Variants in ATP10B observed in about 807,000 individuals in gnomAD.
ATP10B encodes phospholipid-transporting ATPase VB.
A neutral mutation model predicts 141.2 loss-of-function variants in ATP10B; 122 were observed. The observed-to-expected ratio is 0.86, with a 90% confidence interval of 0.75 to 1.00. The LOEUF is 1.00. ATP10B is among the 50% of genes least tolerant of loss of function. The pLI is 0.00. For synonymous variants in ATP10B, 685 were observed against 692.0 expected (o/e 0.99, Z 0.16); for missense variants, 1,876 against 1,825.3 (o/e 1.03, Z -0.51).
At chr5:160,844,271 A>G (rs1377292845) in intron 1 of ATP10B, among the ~76,000 whole-genome samples, 3 of 152,202 alleles carry the variant, frequency 2.0e-5, no homozygotes, top group Non-Finnish European at 2.9e-5. Context: ...AACATTCTTC[A>G]TAATTGCCCC....
chr5:160,819,899 A>G (rs34535518), intron 1 of ATP10B, among the ~76,000 whole-genome samples: 50,643 of 151,922 alleles, frequency 0.33, 9,629 homozygotes, highest in East Asian at 0.45. Context: ...TTTTATGGCT[A>G]TAAGTTCCTA....
chr5:160,650,311 A>G (rs1169778278), intron 7 of ATP10B, among the ~76,000 whole-genome samples: 1 of 152,086 alleles, frequency 6.6e-6, no homozygotes, highest in East Asian at 1.9e-4. Flanking sequence ...TTCAGTGTTC[A>G]TTACAACTGT....
chr5:160,903,842 C>T, the ATP10B span, among the ~76,000 whole-genome samples: 1 of 152,204 alleles, frequency 6.6e-6, no homozygotes, highest in Non-Finnish European at 1.5e-5. Context: ...GCTCTATTTG[C>T]ACCCGAGGTC....
intron 3 of ATP10B, among the ~76,000 whole-genome samples, chr5:160,696,401 G>C (rs1019234008): frequency 3.3e-5 from 5 of 152,098 alleles, no homozygotes; most frequent in Non-Finnish European, 5.9e-5. Flanking sequence ...GAGCCACCAT[G>C]CCTGGCCAAA....
chr5:160,565,909 A>T lies in ATP10B; in HGVS notation c.3939-9T>A, dbSNP rs1478849654. 3 of 1,596,370 alleles carry T rather than the reference A, an allele frequency of 1.9e-6. No individual in the cohort carries two copies. Among genetic ancestry groups the T allele is most frequent in the African/African-American group, 1.4e-5 (1 of 73,736 alleles). ...GAGACAGGAAAAAGTATCTGGTGGG[A>T]AACAACAGAATAAAGATATTTCTGA... On this transcript the variant is annotated splice_polypyrimidine_tract_variant and intron_variant, in intron 25 of 25. Transcript: ENST00000327245.
At position 160,688,088 on chromosome 5, in the gene ATP10B, C is replaced by G. The variant is rs373289457; in HGVS notation, c.-14G>C. ...TGAGAGGGCCATTTCCAGCAGCAGG[C>G]GAAGATCTGAAAACAGACACAGGAG... is the stretch of plus-strand genomic sequence containing the variant. On this transcript the variant is annotated 5_prime_UTR_variant, in exon 5 of 26. Transcript: ENST00000327245. 6.2e-7 allele frequency: 1 copy of G among 1,607,500 alleles called. No individual in the cohort carries two copies. Among genetic ancestry groups the G allele is most frequent in the Non-Finnish European group, 8.5e-7 (1 of 1,176,918 alleles).
At chr5:160,646,915 T>C (rs1760318330) in intron 8 of ATP10B, among the ~76,000 whole-genome samples, 1 of 152,230 alleles carries the variant, frequency 6.6e-6, no homozygotes, top group Non-Finnish European at 1.5e-5. Context: ...CACAATTCTC[T>C]GCTGGGGTGG....
intron 24 of ATP10B, among the ~76,000 whole-genome samples, chr5:160,580,435 T>C (rs1249382644): frequency 2.0e-5 from 3 of 148,326 alleles, no homozygotes; most frequent in African/African-American, 4.9e-5. Flanking sequence ...GTGTTTGTCA[T>C]TGGTTCTGTT....
At chr5:160,923,623 T>C in the ATP10B span, among the ~76,000 whole-genome samples, 1 of 152,206 alleles carries the variant, frequency 6.6e-6, no homozygotes, top group East Asian at 1.9e-4. Flanking sequence ...TTTAACTAGA[T>C]TTTTCTGACT....
rs974463138 is a variant in ATP10B at position 160,755,537 on chromosome 5, C to A, written c.-331+30022G>T. On this transcript the variant is annotated intron_variant, in intron 2 of 25. Coordinates refer to ENST00000327245, the MANE Select transcript of ATP10B (RefSeq NM_025153.3). ...AACATGTAAAATATATATTATAGTC[C>A]GGGCGCGGTGGCTCACGCCTGTAAT... is the stretch of plus-strand genomic sequence containing the variant. 3.3e-5 allele frequency among the ~76,000 whole-genome samples: 5 copies of A among 150,628 alleles called. No individual in the cohort carries two copies. The East Asian group carries it at 9.7e-4, about 29-fold the overall frequency.
At chr5:160,731,154 T>C (rs1561796699) in intron 2 of ATP10B, among the ~76,000 whole-genome samples, 1 of 152,230 alleles carries the variant, frequency 6.6e-6, no homozygotes, top group Non-Finnish European at 1.5e-5. Context: ...TGATTTTCAG[T>C]CTATTTTAAA....
intron 11 of ATP10B, 115 bp from the exon 12 acceptor site, chr5:160,634,721 G>T: frequency 1.8e-6 from 2 of 1,121,374 alleles, no homozygotes; most frequent in Non-Finnish European, 2.5e-6. Flanking sequence ...TCACAGGACA[G>T]ACTCTCTGTG....
At chr5:160,803,714 G>T (rs994265011) in intron 1 of ATP10B, among the ~76,000 whole-genome samples, 4 of 152,060 alleles carry the variant, frequency 2.6e-5, no homozygotes, top group African/African-American at 9.7e-5. Flanking sequence ...ACTTGTTCAA[G>T]GTCACATAGC....
chr5:160,928,318 G>A, the ATP10B span, among the ~76,000 whole-genome samples: 27 of 152,266 alleles, frequency 1.8e-4, no homozygotes, highest in East Asian at 5.8e-4. Context: ...CCACAAGAGC[G>A]GGCCATTGAG....
chr5:160,890,408 A>G, the ATP10B span, among the ~76,000 whole-genome samples: 1 of 152,118 alleles, frequency 6.6e-6, no homozygotes, highest in East Asian at 1.9e-4. Flanking sequence ...TTTTTATCCC[A>G]AAGAAAGAAA....
In ATP10B at chr5:160,670,633, C is replaced by G. The variant is rs964794391; in HGVS notation, c.505G>C (p.Asp169His). Residue 169 changes from aspartate (D) to histidine (H), a missense_variant, in exon 7 of 26, where the codon GAT becomes CAT. Physicochemically the swap from Asp to His is moderately conservative, Grantham distance 81 (BLOSUM62 -1). Transcript: ENST00000327245. ...TGGATGAAGTCTCCCACGCGCACAT[C>G]CTTCCAGCACTTCTGCACATAGGTC... is the stretch of plus-strand genomic sequence containing the variant. ...EQTYVQKCWK[D>H]VRVGDFIQMK... 1 of 1,613,616 alleles carries G rather than the reference C, an allele frequency of 6.2e-7. No homozygotes were observed. Among genetic ancestry groups the G allele is most frequent in the East Asian group, 2.2e-5 (1 of 44,876 alleles).
chr5:160,840,482 G>T (rs1775746977), intron 1 of ATP10B, among the ~76,000 whole-genome samples: 2 of 152,058 alleles, frequency 1.3e-5, no homozygotes, highest in Admixed American at 1.3e-4. Flanking sequence ...AATAAATGAT[G>T]TTGGGCAACT....
At chr5:160,871,608 G>C in the ATP10B span, among the ~76,000 whole-genome samples, 1 of 152,136 alleles carries the variant, frequency 6.6e-6, no homozygotes, top group East Asian at 1.9e-4. Flanking sequence ...ATATCAGTGA[G>C]AACATACGAT....
intron 1 of ATP10B, among the ~76,000 whole-genome samples, chr5:160,816,293 G>C: frequency 6.6e-6 from 1 of 150,978 alleles, no homozygotes; most frequent in Non-Finnish European, 1.5e-5. Context: ...GAATCAAATA[G>C]ACACAATAAA....
Sources: gnomAD v4.1 joint callset for allele counts (sites outside exome capture counted in the v4.1 genomes callset) on GRCh38, gnomAD v4.1.1 for gene constraint, MANE v1.5 for transcripts, NCBI Gene and HGNC (gene_info 2026-07-23, HGNC 2026-07-21) for gene names.